The following NAV3 variants were observed in gnomAD, a reference collection of about 807,000 sequenced individuals.
The protein encoded by NAV3 is neuron navigator 3, also known as pore membrane and/or filament interacting like protein 1.
Under a neutral mutation model 244.7 loss-of-function variants are expected in NAV3, and 87 were observed. The observed-to-expected ratio is 0.36, with a 90% CI of 0.30 to 0.42. The LOEUF (loss-of-function observed/expected upper bound fraction) is 0.42. NAV3 is among the 20% of genes least tolerant of loss of function. The pLI is 1.00. For synonymous variants in NAV3, 1,126 were observed against 1,042.2 expected (o/e 1.08, Z -1.55); for missense variants, 2,663 against 2,893.3 (o/e 0.92, Z 1.83).
chr12:78,132,654 G>A (rs946307761), intron 18 of NAV3, among the ~76,000 whole-genome samples: 6 of 152,076 alleles, frequency 3.9e-5, no homozygotes, highest in African/African-American at 2.4e-5. Context: ...ATATTTATGT[G>A]TTTACCAAGT....
chr12:77,861,927 A>AT (rs1160135498), intron 1 of NAV3, among the ~76,000 whole-genome samples: 1 of 151,792 alleles, frequency 6.6e-6, no homozygotes, highest in Non-Finnish European at 1.5e-5. Context: ...GATTTCAACC[A>AT]TTTTTTCAAT....
At chr12:78,163,584 C>T (rs1003323099) in intron 23 of NAV3, among the ~76,000 whole-genome samples, 2 of 151,666 alleles carry the variant, frequency 1.3e-5, no homozygotes, top group African/African-American at 4.8e-5. Flanking sequence ...ATAAAAATTA[C>T]AAAAATAAAA....
chr12:77,628,902 CAAAA>C (rs200250331), intron 2 of NAV3, among the ~76,000 whole-genome samples: 1 of 86,650 alleles, frequency 1.2e-5, no homozygotes, highest in Non-Finnish European at 2.4e-5. Flanking sequence ...ACCCTGTCTC[CAAAA>C]AAAAAAAAAA....
chr12:77,825,908 G>T (rs1872969914), upstream of NAV3, among the ~76,000 whole-genome samples: 4 of 152,146 alleles, frequency 2.6e-5, no homozygotes, highest in Admixed American at 2.6e-4. Context: ...ATATATGAAT[G>T]ACAAGCACAC....
chr12:77,851,137 A>G (rs889388095), intron 1 of NAV3, among the ~76,000 whole-genome samples: 2 of 152,168 alleles, frequency 1.3e-5, no homozygotes, highest in Admixed American at 6.5e-5. Context: ...CCAGCTATCA[A>G]ATGAGAAGTG....
chr12:77,774,525 A>T (rs947203005), intron 2 of NAV3, among the ~76,000 whole-genome samples: 1 of 152,200 alleles, frequency 6.6e-6, no homozygotes, highest in African/African-American at 2.4e-5. Context: ...AAAGAGAGGC[A>T]GGGTACATAC....
At chr12:77,904,096 A>G (rs995540262) in intron 1 of NAV3, among the ~76,000 whole-genome samples, 1 of 152,232 alleles carries the variant, frequency 6.6e-6, no homozygotes, top group Non-Finnish European at 1.5e-5. Context: ...GCTATTCCTC[A>G]GGGATCTAGA....
At chr12:77,786,199 T>C (rs1430259297) in intron 2 of NAV3, among the ~76,000 whole-genome samples, 1 of 152,196 alleles carries the variant, frequency 6.6e-6, no homozygotes, top group Non-Finnish European at 1.5e-5. Context: ...CCCTAACTGC[T>C]ATGTGGTACT....
At chr12:77,854,108 G>T (rs892107460) in intron 1 of NAV3, among the ~76,000 whole-genome samples, 6 of 152,104 alleles carry the variant, frequency 3.9e-5, no homozygotes, top group Non-Finnish European at 7.4e-5. Context: ...CACACAATAT[G>T]AATTTCAGAT....
intron 9 of NAV3, among the ~76,000 whole-genome samples, chr12:78,032,046 G>C (rs75486598): frequency 0.012 from 1,774 of 152,070 alleles, 28 homozygotes; most frequent in South Asian, 0.05. Context: ...CAAATTCAAG[G>C]CCATTGTCGG....
At chr12:78,141,314 T>C (rs1403146976) in intron 20 of NAV3, among the ~76,000 whole-genome samples, 2 of 152,226 alleles carry the variant, frequency 1.3e-5, no homozygotes, top group Non-Finnish European at 2.9e-5. Context: ...CTATCTTTTT[T>C]AAAAAAGTAG....
At chr12:78,093,948 G>A (rs1954099795) in intron 12 of NAV3, among the ~76,000 whole-genome samples, 1 of 151,898 alleles carries the variant, frequency 6.6e-6, no homozygotes, top group Admixed American at 6.6e-5. Context: ...CAAACACTTG[G>A]GCTCAAACAG....
intron 18 of NAV3, among the ~76,000 whole-genome samples, chr12:78,133,462 G>T (rs1238413094): frequency 6.6e-6 from 1 of 150,730 alleles, no homozygotes; most frequent in African/African-American, 2.4e-5. Flanking sequence ...ACCCATTTTT[G>T]ATTTGACCAT....
intron 2 of NAV3, among the ~76,000 whole-genome samples, chr12:77,669,834 A>G (rs1329526799): frequency 6.6e-6 from 1 of 152,114 alleles, no homozygotes; most frequent in Non-Finnish European, 1.5e-5. Context: ...CTTAAACTAT[A>G]CAACAAATGG....
rs531300375 is a variant in NAV3, at chr12:77,773,625, C to T, written c.73-166694C>T. ...ATAGTATATTAGATAATGATAGGAC[C>T]TATGAATAAATATAAAGCAGGAAAG... is the stretch of plus-strand genomic sequence containing the variant. On this transcript the variant is annotated intron_variant, in intron 2 of 8. Transcript: ENST00000550042. Among the ~76,000 whole-genome samples the T allele has an allele frequency of 8.6e-5, 13 of 152,004 alleles. No individual in the cohort carries two copies. In the South Asian group the frequency reaches 2.3e-3, roughly 27 times the overall value.
chr12:78,118,412 A>T, intron 14 of NAV3, 115 bp downstream of exon 14: 1 of 1,332,184 alleles, frequency 7.5e-7, no homozygotes, highest in Non-Finnish European at 1.0e-6. Context: ...TATCCATATT[A>T]AACATGGAGT....
intron 5 of NAV3, among the ~76,000 whole-genome samples, chr12:77,990,146 A>C (rs75450443): frequency 0.047 from 4,214 of 89,742 alleles, 77 homozygotes; most frequent in Middle Eastern, 0.063. Flanking sequence ...ACAGAAAGCC[A>C]ATCACTAAAA....
chr12:77,782,044 A>G (rs1483388094), intron 2 of NAV3, among the ~76,000 whole-genome samples: 1 of 152,220 alleles, frequency 6.6e-6, no homozygotes, highest in East Asian at 1.9e-4. Context: ...ATAAAAATAT[A>G]TGTGCCACAT....
intron 11 of NAV3, 145 bp downstream of exon 11, chr12:78,051,292 C>A: frequency 2.4e-6 from 2 of 826,356 alleles, no homozygotes; most frequent in Non-Finnish European, 3.6e-6. Context: ...TGTTGAAGGG[C>A]CCTTCCTCTG....
Sources: gnomAD v4.1 joint callset for allele counts (sites outside exome capture counted in the v4.1 genomes callset) on GRCh38, gnomAD v4.1.1 for gene constraint, MANE v1.5 for transcripts, NCBI Gene and HGNC (gene_info 2026-07-23, HGNC 2026-07-21) for gene names.